The following SEPTIN14 variants were observed in gnomAD, a reference collection of about 807,000 sequenced individuals.
SEPTIN14 encodes the protein septin 14.
In SEPTIN14, 40 loss-of-function variants were observed where a neutral mutation model predicts 53.6. The observed-to-expected ratio is 0.75, with a 90% CI of 0.58 to 0.97. The LOEUF is 0.97. Ranked by LOEUF, SEPTIN14 falls within the 50% of genes least tolerant of loss-of-function variation. The pLI is 0.00. For synonymous variants in SEPTIN14, 138 were observed against 166.8 expected (o/e 0.83, Z 1.33); for missense variants, 471 against 508.2 (o/e 0.93, Z 0.70).
rs376964833 is a variant in SEPTIN14, at chr7:55,819,225, T to C, written c.721-2A>G. 2.0e-5 allele frequency: 31 copies of C among 1,543,744 alleles called. No homozygotes were observed. The African/African-American group carries it at 4.1e-4, about 20-fold the overall frequency. ...TACCACAGCAAAGGGTAACAGCCCC[T>C]AGAAAACAAGAATGACATGAATTGA... On this transcript the variant is annotated splice_acceptor_variant, in intron 6 of 9. Coordinates refer to ENST00000388975, the MANE Select transcript of SEPTIN14 (RefSeq NM_207366.3). LOFTEE classifies it high-confidence loss of function.
intron 5 of SEPTIN14, among the ~76,000 whole-genome samples, chr7:55,839,346 G>A (rs1452791711): frequency 6.7e-6 from 1 of 148,442 alleles, no homozygotes; most frequent in African/African-American, 2.5e-5. Flanking sequence ...CCGAGATTGT[G>A]CCACTGCACT....
At chr7:55,817,260 A>G (rs907477749) in intron 7 of SEPTIN14, among the ~76,000 whole-genome samples, 4 of 152,128 alleles carry the variant, frequency 2.6e-5, no homozygotes, top group Admixed American at 6.5e-5. Flanking sequence ...ACACAGAAAG[A>G]CAAATGGTAA....
At chr7:55,810,890 A>G in intron 7 of SEPTIN14, 1 of 349,068 alleles carries the variant, frequency 2.9e-6, no homozygotes, top group Non-Finnish European at 5.7e-6. Flanking sequence ...CTATGGACAC[A>G]TCCAATAAGC....
At chr7:55,843,999 G>T (rs1007874938) in intron 4 of SEPTIN14, among the ~76,000 whole-genome samples, 19 of 152,144 alleles carry the variant, frequency 1.2e-4, no homozygotes, top group African/African-American at 4.6e-4. Flanking sequence ...AGCCAGGCAT[G>T]GTGGCATGTG....
intron 7 of SEPTIN14, among the ~76,000 whole-genome samples, chr7:55,816,604 C>T (rs1376976390): frequency 6.6e-6 from 1 of 151,164 alleles, no homozygotes; most frequent in Non-Finnish European, 1.5e-5. Context: ...TGAGACTATC[C>T]TGACCAACAA....
chr7:55,857,551 G>A (rs1298152352), intron 2 of SEPTIN14, among the ~76,000 whole-genome samples: 76 of 109,556 alleles, frequency 6.9e-4, no homozygotes, highest in African/African-American at 2.7e-3. Flanking sequence ...AGAGAGGAGG[G>A]GAGGGGAGGG....
chr7:55,849,144 G>A (rs12671614), intron 2 of SEPTIN14, among the ~76,000 whole-genome samples: 19,067 of 151,506 alleles, frequency 0.13, 1,528 homozygotes, highest in East Asian at 0.42. Context: ...GGCCAACATA[G>A]TGAAACCCTG....
rs1209062427 is a variant in SEPTIN14 at position 55,796,111 on chromosome 7, G to A, written c.1120-19C>T. The A allele has an allele frequency of 4.2e-6, 6 of 1,442,820 alleles. No homozygotes were observed. The highest frequency in any genetic ancestry group is 5.8e-6 in the Non-Finnish European group (6 of 1,040,968). The allele number at this position is 1,442,820 out of a possible 1,614,324, so 89.4% of individuals were successfully genotyped here. A position where few individuals can be genotyped will look rare whatever the true frequency, so the allele number is the denominator to read the frequency against. ...CCTGCAGCTGTGAAACCAATGTGCA[G>A]TTGTGACACCAAAGCACAGTGTGGC... On this transcript the variant is annotated intron_variant, in intron 9 of 9. Transcript: ENST00000388975.
chr7:55,852,030 T>A (rs1483785849), intron 2 of SEPTIN14, among the ~76,000 whole-genome samples: 1 of 151,126 alleles, frequency 6.6e-6, no homozygotes, highest in African/African-American at 2.4e-5. Flanking sequence ...TAGTCCCAGC[T>A]ACTCGGGAGG....
intron 2 of SEPTIN14, among the ~76,000 whole-genome samples, chr7:55,853,219 T>G (rs1789550465): frequency 6.6e-6 from 1 of 152,170 alleles, no homozygotes; most frequent in East Asian, 1.9e-4. Context: ...TGAAGAGATA[T>G]CTACACTCCC....
At chr7:55,858,966 G>T (rs540524286) in intron 2 of SEPTIN14, among the ~76,000 whole-genome samples, 1 of 152,036 alleles carries the variant, frequency 6.6e-6, no homozygotes, top group East Asian at 1.9e-4. Flanking sequence ...AGTTTCTATG[G>T]TTCTACATAA....
intron 6 of SEPTIN14, among the ~76,000 whole-genome samples, chr7:55,830,345 A>AT (rs1337453699): frequency 0.032 from 1,294 of 39,878 alleles, 38 homozygotes; most frequent in Middle Eastern, 0.068. Flanking sequence ...ATATATATAT[A>AT]TATATTTTTT....
chr7:55,847,265 T>C (rs1206993915), intron 2 of SEPTIN14, among the ~76,000 whole-genome samples: 1 of 152,012 alleles, frequency 6.6e-6, no homozygotes, highest in Non-Finnish European at 1.5e-5. Flanking sequence ...GAAACTCTAA[T>C]GTATTACTGT....
At chr7:55,804,780 C>T (rs985959261) in intron 9 of SEPTIN14, among the ~76,000 whole-genome samples, 3 of 152,038 alleles carry the variant, frequency 2.0e-5, no homozygotes, top group African/African-American at 4.8e-5. Context: ...ATAATTAAAA[C>T]GATATTAATA....
chr7:55,840,166 A>G (rs543774279), intron 5 of SEPTIN14, among the ~76,000 whole-genome samples: 4 of 147,770 alleles, frequency 2.7e-5, no homozygotes, highest in Non-Finnish European at 5.9e-5. Context: ...GTGGGGCCCA[A>G]CCTAAACTGA....
chr7:55,838,203 C>T (rs10230845), intron 5 of SEPTIN14, among the ~76,000 whole-genome samples: 29,771 of 152,002 alleles, frequency 0.2, 3,809 homozygotes, highest in East Asian at 0.43. Context: ...AGGAAGTCCT[C>T]GTGTGTCCCA....
At chr7:55,800,482 G>T (rs914622182) in intron 9 of SEPTIN14, among the ~76,000 whole-genome samples, 1 of 152,124 alleles carries the variant, frequency 6.6e-6, no homozygotes, top group Non-Finnish European at 1.5e-5. Context: ...AAATTAGCTG[G>T]GTGTGGTGGC....
chr7:55,837,675 C>A (rs561075063), intron 5 of SEPTIN14, among the ~76,000 whole-genome samples: 3 of 151,936 alleles, frequency 2.0e-5, no homozygotes, highest in Non-Finnish European at 4.4e-5. Flanking sequence ...CCTCTGCCTG[C>A]GGGTTCAAGC....
chr7:55,823,411 T>C lies in SEPTIN14; in HGVS notation c.721-4188A>G, dbSNP rs578251966. ...CACTGAGAGCTGTTCCATCACTCAA[T>C]AAAATTCTTCTGTCTTCCTCATCCT... On this transcript the variant is annotated intron_variant, in intron 6 of 9. Coordinates refer to ENST00000388975, the MANE Select transcript of SEPTIN14 (RefSeq NM_207366.3). Among the ~76,000 whole-genome samples, 12 of 152,226 alleles carry C rather than the reference T, an allele frequency of 7.9e-5. No individual in the cohort carries two copies. The South Asian group carries it at 2.5e-3, about 32-fold the overall frequency.
Sources: gnomAD v4.1 joint callset for allele counts (sites outside exome capture counted in the v4.1 genomes callset) on GRCh38, gnomAD v4.1.1 for gene constraint, MANE v1.5 for transcripts, NCBI Gene and HGNC (gene_info 2026-07-23, HGNC 2026-07-21) for gene names.